ZPLD1: variants seen among roughly 807,000 people sequenced by gnomAD.
The protein encoded by ZPLD1 is zona pellucida like domain containing 1.
Under a neutral mutation model 47.2 loss-of-function variants are expected in ZPLD1, and 34 were observed. That is an observed-to-expected ratio of 0.72 (90% CI 0.55 to 0.96). The LOEUF (loss-of-function observed/expected upper bound fraction) is 0.96, where lower values mean the gene tolerates loss of function less well. ZPLD1 is among the 40% of genes least tolerant of loss of function. The pLI, the probability that ZPLD1 is intolerant of heterozygous loss-of-function variation, is 0.00. For synonymous variants in ZPLD1, 176 were observed against 186.2 expected (o/e 0.95, Z 0.45); for missense variants, 512 against 505.8 (o/e 1.01, Z -0.12).
upstream of ZPLD1, among the ~76,000 whole-genome samples, chr3:102,433,272 A>G (rs552427907): frequency 1.3e-5 from 2 of 152,194 alleles, no homozygotes; most frequent in Non-Finnish European, 2.9e-5. Flanking sequence ...GCGGTGCCAC[A>G]TAATAGTTGA....
intron 2 of ZPLD1, among the ~76,000 whole-genome samples, chr3:102,438,099 T>C (rs982271663): frequency 6.6e-6 from 1 of 152,198 alleles, no homozygotes; most frequent in Non-Finnish European, 1.5e-5. Flanking sequence ...TTGTTGGTAT[T>C]GTAAAAAGTA....
At chr3:102,441,939 C>T (rs1026767821) in intron 3 of ZPLD1, among the ~76,000 whole-genome samples, 1 of 151,996 alleles carries the variant, frequency 6.6e-6, no homozygotes, top group Non-Finnish European at 1.5e-5. Flanking sequence ...TGGAGCAAGG[C>T]TCACATCAAA....
At chr3:102,387,850 C>CTTTTTTTTTTT (rs1023132648) in intron 6 of ZPLD1, among the ~76,000 whole-genome samples, 5 of 80,628 alleles carry the variant, frequency 6.2e-5, no homozygotes, top group African/African-American at 9.8e-5. Context: ...CTGAGAAATT[C>CTTTTTTTTTTT]TTTTTTTTTT....
intron 3 of ZPLD1, among the ~76,000 whole-genome samples, chr3:102,438,835 T>C (rs1369608313): frequency 1.3e-5 from 2 of 152,216 alleles, no homozygotes; most frequent in Non-Finnish European, 2.9e-5. Context: ...AAATATTGCC[T>C]ACTGTGTAAA....
At chr3:102,463,339 G>T (rs1707539085) in intron 7 of ZPLD1, among the ~76,000 whole-genome samples, 1 of 152,034 alleles carries the variant, frequency 6.6e-6, no homozygotes, top group African/African-American at 2.4e-5. Context: ...TGTTGTATTT[G>T]GTATTATAAC....
intron 6 of ZPLD1, among the ~76,000 whole-genome samples, chr3:102,390,135 G>A (rs560010602): frequency 3.3e-5 from 5 of 152,154 alleles, no homozygotes; most frequent in Admixed American, 1.3e-4. Flanking sequence ...GGTCTCAGTA[G>A]TTTCTGTGAG....
chr3:102,404,279 A>G (rs975416734), intron 7 of ZPLD1, among the ~76,000 whole-genome samples: 27 of 151,958 alleles, frequency 1.8e-4, no homozygotes, highest in African/African-American at 6.5e-4. Context: ...GAGGATATAC[A>G]TTACTGTTCT....
chr3:102,430,649 T>G (rs1281232542), upstream of ZPLD1, among the ~76,000 whole-genome samples: 4 of 152,216 alleles, frequency 2.6e-5, no homozygotes, highest in Non-Finnish European at 5.9e-5. Flanking sequence ...TGTGAAATTA[T>G]ATTGCCATTA....
At chr3:102,413,736 T>C (rs1345278236) in intron 7 of ZPLD1, among the ~76,000 whole-genome samples, 1 of 151,688 alleles carries the variant, frequency 6.6e-6, no homozygotes, top group East Asian at 1.9e-4. Flanking sequence ...AGTAAGAACA[T>C]ATTATTGACT....
intron 7 of ZPLD1, among the ~76,000 whole-genome samples, chr3:102,410,568 C>T (rs7624802): frequency 0.13 from 20,035 of 151,658 alleles, 1,397 homozygotes; most frequent in Middle Eastern, 0.17. Context: ...ATCATTACAT[C>T]ATTTACTCTG....
intron 10 of ZPLD1, among the ~76,000 whole-genome samples, chr3:102,475,237 T>C (rs535215985): frequency 6.6e-6 from 1 of 152,190 alleles, no homozygotes; most frequent in East Asian, 1.9e-4. Flanking sequence ...CACACGGAGA[T>C]TTTTGTCCAC....
At chr3:102,451,324 A>G (rs1707333801) in intron 3 of ZPLD1, among the ~76,000 whole-genome samples, 1 of 152,226 alleles carries the variant, frequency 6.6e-6, no homozygotes, top group Non-Finnish European at 1.5e-5. Context: ...ACTTAGGTGA[A>G]CATGCCATCA....
chr3:102,458,289 A>G (rs1422494988), intron 6 of ZPLD1, among the ~76,000 whole-genome samples: 2 of 152,176 alleles, frequency 1.3e-5, no homozygotes, highest in Admixed American at 6.5e-5. Flanking sequence ...TATTTTCAAT[A>G]TGGGTTTTGG....
upstream of ZPLD1, among the ~76,000 whole-genome samples, chr3:102,434,131 G>A (rs1159260338): frequency 6.6e-6 from 1 of 151,992 alleles, no homozygotes; most frequent in Non-Finnish European, 1.5e-5. Context: ...TTAAGCTTTG[G>A]TTTTCACATT....
chr3:102,425,078 A>G (rs1448963090), intron 8 of ZPLD1, among the ~76,000 whole-genome samples: 2 of 152,020 alleles, frequency 1.3e-5, no homozygotes. Flanking sequence ...AATATTACAT[A>G]CAGGAGGAAA....
chr3:102,461,122 T>C (rs112726303), intron 6 of ZPLD1, among the ~76,000 whole-genome samples: 2,295 of 152,130 alleles, frequency 0.015, 59 homozygotes, highest in African/African-American at 0.052. Context: ...TCTTAAATTA[T>C]AAAATTCAAA....
At chr3:102,450,168 C>A (rs1199352614) in intron 3 of ZPLD1, among the ~76,000 whole-genome samples, 1 of 151,986 alleles carries the variant, frequency 6.6e-6, no homozygotes, top group Non-Finnish European at 1.5e-5. Flanking sequence ...TTGGGGTAGG[C>A]GGAGCATTCC....
intron 5 of ZPLD1, among the ~76,000 whole-genome samples, 175 bp downstream of exon 5, chr3:102,456,549 C>A (rs13075553): frequency 0.025 from 1,458 of 57,694 alleles, 16 homozygotes; most frequent in Middle Eastern, 0.045. Flanking sequence ...TCTATTATAT[C>A]TATCTATCTA....
At chr3:102,415,195 C>T (rs928977527) in intron 7 of ZPLD1, among the ~76,000 whole-genome samples, 2 of 151,774 alleles carry the variant, frequency 1.3e-5, no homozygotes, top group African/African-American at 4.8e-5. Flanking sequence ...AGTATCTCGA[C>T]TACAACTCAT....
Sources: allele counts gnomAD v4.1 joint callset (sites outside exome capture counted in the v4.1 genomes callset), GRCh38; gene constraint gnomAD v4.1.1; transcripts MANE v1.5; gene names NCBI Gene and HGNC (gene_info 2026-07-23, HGNC 2026-07-21).